Variants in PIBF1 observed in about 807,000 individuals in gnomAD.
The protein encoded by PIBF1 is progesterone immunomodulatory binding factor 1, also known as progesterone-induced-blocking factor 1.
A neutral mutation model predicts 112.5 loss-of-function variants in PIBF1; 90 were observed. The observed-to-expected ratio is 0.80, with a 90% CI of 0.67 to 0.95. The LOEUF (loss-of-function observed/expected upper bound fraction) is 0.95. Ranked by LOEUF, PIBF1 falls within the 40% of genes least tolerant of loss-of-function variation. The pLI is 0.00. For missense variants in PIBF1, 915 were observed against 852.3 expected, an observed-to-expected ratio of 1.07 and a Z score of -0.92; for synonymous variants, 301 against 288.6, an observed-to-expected ratio of 1.04 and a Z score of -0.44.
At chr13:73,015,118 T>C (rs963803268) in intron 17 of PIBF1, among the ~76,000 whole-genome samples, 7 of 152,240 alleles carry the variant, frequency 4.6e-5, no homozygotes, top group African/African-American at 1.7e-4. Flanking sequence ...TCTCCCGTGT[T>C]AACTGAGACT....
rs548330462 is a variant in PIBF1 at position 72,795,464 on chromosome 13, T to C, written c.459T>C (p.Arg153=). ...TAAGAGAAAAAGCTGGAGATGTTCG[T>C]CGAAACCTGCGTGACTTTGAGTTGA... ...LQLREKAGDV[R]RNLRDFELTE... Residue 153 remains arginine (R), a synonymous_variant, in exon 4 of 18, where the codon CGT becomes CGC. Coordinates refer to ENST00000326291, the MANE Select transcript of PIBF1 (RefSeq NM_006346.4). The C allele has an allele frequency of 2.7e-5, 43 of 1,611,242 alleles. No individual in the cohort carries two copies. In the South Asian group the frequency reaches 4.4e-4, roughly 17 times the overall value.
intron 14 of PIBF1, among the ~76,000 whole-genome samples, chr13:72,964,263 G>A (rs1298608051): frequency 6.6e-6 from 1 of 152,190 alleles, no homozygotes; most frequent in African/African-American, 2.4e-5. Context: ...TTCCACTTAT[G>A]TGAGGTATCT....
intron 16 of PIBF1, among the ~76,000 whole-genome samples, chr13:72,978,979 G>C (rs2043090574): frequency 6.6e-6 from 1 of 152,172 alleles, no homozygotes; most frequent in South Asian, 2.1e-4. Context: ...AGGAACGCTT[G>C]AGGCTAGGTG....
chr13:72,863,657 C>CAAAA, intron 10 of PIBF1, among the ~76,000 whole-genome samples: 1 of 54,414 alleles, frequency 1.8e-5, no homozygotes. Context: ...GACTCCGTCT[C>CAAAA]AAAAAAAAAA....
chr13:72,804,412 T>C (rs923815418), intron 5 of PIBF1, among the ~76,000 whole-genome samples: 1 of 152,160 alleles, frequency 6.6e-6, no homozygotes, highest in African/African-American at 2.4e-5. Context: ...ATAAGTATGA[T>C]TGGAAGACAA....
At chr13:72,989,609 A>G (rs2043407089) in intron 16 of PIBF1, among the ~76,000 whole-genome samples, 2 of 152,180 alleles carry the variant, frequency 1.3e-5, no homozygotes, top group African/African-American at 4.8e-5. Flanking sequence ...ATAGGAGGGT[A>G]TAGTTAAAGC....
Position 72,827,766 on chromosome 13 carries a change from C to T in PIBF1, c.949C>T (p.Gln317Ter), listed in dbSNP as rs1273998786. Residue 317 changes from glutamine to a stop codon, truncating the protein, a stop_gained, in exon 8 of 18, where the codon CAA becomes TAA. Coordinates refer to ENST00000326291, the MANE Select transcript of PIBF1 (RefSeq NM_006346.4). LOFTEE classifies it high-confidence loss of function. ...VTLEQTVTLL[Q>*]KDKEYLNRQN... Reference sequence around the variant, plus strand: ...CTTAGAGCAAACTGTTACTTTACTGCAAAAGGATAAAGAATATCTTAATCG... The same window carrying T: ...CTTAGAGCAAACTGTTACTTTACTGTAAAAGGATAAAGAATATCTTAATCG... The T allele has an allele frequency of 1.3e-6, 2 of 1,591,214 alleles. No homozygotes were observed. Among genetic ancestry groups the T allele is most frequent in the Non-Finnish European group, 1.7e-6 (2 of 1,168,952 alleles).
intron 9 of PIBF1, among the ~76,000 whole-genome samples, chr13:72,845,287 C>A (rs1406824952): frequency 1.3e-5 from 2 of 152,096 alleles, no homozygotes; most frequent in Admixed American, 6.5e-5. Flanking sequence ...TTTCTAGCTT[C>A]GTATCCATGT....
At chr13:72,831,052 A>T (rs2037086187) in intron 8 of PIBF1, among the ~76,000 whole-genome samples, 1 of 152,048 alleles carries the variant, frequency 6.6e-6, no homozygotes, top group African/African-American at 2.4e-5. Flanking sequence ...GCTTATTTGC[A>T]TAGAGGTGTT....
chr13:72,958,578 A>C (rs190572311), intron 14 of PIBF1, among the ~76,000 whole-genome samples: 22 of 152,220 alleles, frequency 1.4e-4, no homozygotes, highest in African/African-American at 5.3e-4. Context: ...ATAGCTCTAC[A>C]CTAAGATCCC....
At chr13:72,851,196 G>A (rs959579638) in intron 9 of PIBF1, among the ~76,000 whole-genome samples, 8 of 152,202 alleles carry the variant, frequency 5.3e-5, no homozygotes, top group African/African-American at 1.9e-4. Context: ...TTCCGAGTTG[G>A]AGGGGCGGGA....
chr13:72,893,909 A>T lies in PIBF1; in HGVS notation c.1448A>T (p.Gln483Leu). The change falls in exon 11 of 18, where the codon CAG (glutamine) becomes CTG (leucine). Residue 483 changes from glutamine (Q) to leucine (L), a missense_variant. Coordinates refer to ENST00000326291, the MANE Select transcript of PIBF1 (RefSeq NM_006346.4). ...LQEETARNLT[Q>L]CQLECEKYQK... ...GAGGAAACAGCAAGAAATCTCACAC[A>T]GTGTCAATTGGAATGTGAAAAATAT... 6.2e-7 allele frequency: 1 copy of T among 1,608,916 alleles called. No homozygotes were observed. The highest frequency in any genetic ancestry group is 8.5e-7 in the Non-Finnish European group (1 of 1,177,648).
chr13:72,946,302 T>C (rs74472413), intron 14 of PIBF1, among the ~76,000 whole-genome samples: 3 of 152,244 alleles, frequency 2.0e-5, no homozygotes, highest in African/African-American at 7.2e-5. Context: ...CTCACTATCA[T>C]GAGAACAGCA....
rs537818057 is a variant in PIBF1 at position 72,997,448 on chromosome 13, A to C, written c.2050-1374A>C. ...TGCAAGTATATGCATTCTCATGTAC[A>C]TTGGCCAAGCCAGGCCCACTACTGC... On this transcript the variant is annotated intron_variant, in intron 16 of 17. Coordinates refer to ENST00000326291, the MANE Select transcript of PIBF1 (RefSeq NM_006346.4). Among the ~76,000 whole-genome samples, 2 of 152,240 alleles carry C rather than the reference A, an allele frequency of 1.3e-5. 1 individual carries two copies. Among genetic ancestry groups the C allele is most frequent in the South Asian group, 4.1e-4 (2 of 4,834 alleles).
intron 11 of PIBF1, chr13:72,901,009 C>G: frequency 4.8e-6 from 2 of 412,656 alleles, no homozygotes; most frequent in South Asian, 3.5e-5. Context: ...GCAACCAGAG[C>G]AAAACTCCGT....
chr13:72,913,084 C>A (rs1229988428), intron 12 of PIBF1, among the ~76,000 whole-genome samples: 1 of 150,086 alleles, frequency 6.7e-6, no homozygotes. Context: ...TTTAAAAAGA[C>A]AAAAATCAGA....
At chr13:72,996,303 A>G (rs2043669692) in intron 16 of PIBF1, among the ~76,000 whole-genome samples, 1 of 152,038 alleles carries the variant, frequency 6.6e-6, no homozygotes, top group Admixed American at 6.5e-5. Context: ...TTCACTGTAA[A>G]AGGAATGCAA....
chr13:72,934,379 A>G (rs965947105), intron 14 of PIBF1, among the ~76,000 whole-genome samples: 8 of 151,952 alleles, frequency 5.3e-5, no homozygotes, highest in Non-Finnish European at 1.0e-4. Flanking sequence ...GCTCACTGCA[A>G]CTCTGCCTCC....
chr13:72,914,986 C>G (rs925868940), intron 12 of PIBF1, among the ~76,000 whole-genome samples: 5 of 152,128 alleles, frequency 3.3e-5, no homozygotes, highest in African/African-American at 1.2e-4. Flanking sequence ...ATTTAATCAC[C>G]TGTGGATTGA....
Sources: gnomAD v4.1 joint callset for allele counts (sites outside exome capture counted in the v4.1 genomes callset) on GRCh38, gnomAD v4.1.1 for gene constraint, MANE v1.5 for transcripts, NCBI Gene and HGNC (gene_info 2026-07-23, HGNC 2026-07-21) for gene names.